The following ASIC2 variants were observed in gnomAD, a reference collection of about 807,000 sequenced individuals.
The protein encoded by ASIC2 is acid-sensing ion channel 2.
ASIC2 carries 25 observed loss-of-function variants against 57.3 expected under a neutral mutation model. That is an observed-to-expected ratio of 0.44 (90% CI 0.32 to 0.61). ASIC2 has a LOEUF of 0.61. Among genes scored for constraint, ASIC2 ranks in the 20% least tolerant of loss-of-function variants. The probability of loss-of-function intolerance (pLI) is 0.06; values close to 1 mark genes in which losing one functional copy is unlikely to be tolerated. For missense variants in ASIC2, 641 were observed against 738.1 expected (o/e 0.87, Z 1.52); for synonymous variants, 319 against 307.5 (o/e 1.04, Z -0.39).
intron 1 of ASIC2, among the ~76,000 whole-genome samples, chr17:33,842,808 C>T (rs141524625): frequency 3.2e-4 from 49 of 152,246 alleles, no homozygotes; most frequent in African/African-American, 1.1e-3. Flanking sequence ...GGATGGCCCA[C>T]GAGAACCCAC....
At position 33,014,305 on chromosome 17, in the gene ASIC2, T is replaced by G. The variant is rs141452765; in HGVS notation, c.1591-239A>C. ...AAGGCTCCCTGGTTTGATTGGCTGCTGGTTTGATCCCTCTTAGAGGTGCCC... is the reference window on the plus strand; with the variant it reads ...AAGGCTCCCTGGTTTGATTGGCTGCGGGTTTGATCCCTCTTAGAGGTGCCC... On this transcript the variant is annotated intron_variant, in intron 9 of 9. Transcript: ENST00000225823. Among the ~76,000 whole-genome samples, 72 of 152,250 alleles carry G rather than the reference T, an allele frequency of 4.7e-4. 1 individual carries two copies. In the South Asian group the frequency reaches 0.012, roughly 25 times the overall value.
chr17:33,219,726 C>T (rs538341214), intron 1 of ASIC2, among the ~76,000 whole-genome samples: 4 of 152,296 alleles, frequency 2.6e-5, no homozygotes, highest in East Asian at 1.9e-4. Flanking sequence ...GGAATTTTGG[C>T]TTGCATAAAA....
At chr17:33,137,784 G>A (rs75168665) in intron 1 of ASIC2, among the ~76,000 whole-genome samples, 3,759 of 152,316 alleles carry the variant, frequency 0.025, 67 homozygotes, top group Non-Finnish European at 0.039. Flanking sequence ...ACAGAGCACT[G>A]AAAGCATCTG....
intron 1 of ASIC2, among the ~76,000 whole-genome samples, chr17:34,026,756 G>A (rs1317221808): frequency 6.6e-6 from 1 of 152,192 alleles, no homozygotes; most frequent in Non-Finnish European, 1.5e-5. Flanking sequence ...TCATTTTGCA[G>A]ATGAGAAAAC....
intron 1 of ASIC2, among the ~76,000 whole-genome samples, chr17:33,977,782 G>T (rs569950425): frequency 6.6e-6 from 1 of 152,306 alleles, no homozygotes; most frequent in East Asian, 1.9e-4. Context: ...CCCAACAGAA[G>T]CCTCATGACA....
chr17:34,134,060 G>C (rs942990015), intron 1 of ASIC2, among the ~76,000 whole-genome samples: 3 of 152,170 alleles, frequency 2.0e-5, no homozygotes, highest in Non-Finnish European at 1.5e-5. Context: ...TAGCTGATGA[G>C]TGCTACAGTC....
rs140509959 is a variant in ASIC2 at position 33,213,746 on chromosome 17, C to T, written c.708+77662G>A. 7.9e-5 allele frequency among the ~76,000 whole-genome samples: 12 copies of T among 152,268 alleles called. No homozygotes were observed. The East Asian group carries it at 2.3e-3, about 29-fold the overall frequency. On this transcript the variant is annotated intron_variant, in intron 1 of 9. Coordinates refer to ENST00000225823, the MANE Select transcript of ASIC2 (RefSeq NM_183377.2). ...CACCCAGGCTGGATGTTCCAGCTGC[C>T]AATCTCACCGATTCTTAGTTTGTGT...
chr17:33,170,387 G>T (rs369948312), intron 1 of ASIC2, among the ~76,000 whole-genome samples: 4 of 152,170 alleles, frequency 2.6e-5, no homozygotes, highest in East Asian at 1.9e-4. Flanking sequence ...TTTTAAAACA[G>T]ATCATTAACT....
intron 1 of ASIC2, among the ~76,000 whole-genome samples, chr17:33,734,066 TA>T (rs1254912786): frequency 2.6e-5 from 4 of 151,934 alleles, no homozygotes; most frequent in African/African-American, 9.7e-5. Flanking sequence ...ACTGAGAAAA[TA>T]GAAGCAATCA....
chr17:33,220,834 G>A (rs1454873169), intron 1 of ASIC2, among the ~76,000 whole-genome samples: 7 of 152,132 alleles, frequency 4.6e-5, no homozygotes, highest in African/African-American at 9.7e-5. Context: ...TTGGGGGGCC[G>A]AGGCGGGAAA....
At chr17:33,110,888 G>C (rs1333825807) in intron 2 of ASIC2, among the ~76,000 whole-genome samples, 1 of 152,094 alleles carries the variant, frequency 6.6e-6, no homozygotes, top group African/African-American at 2.4e-5. Context: ...CCACTCCCCT[G>C]CAGGCTGCTC....
intron 1 of ASIC2, among the ~76,000 whole-genome samples, chr17:33,320,591 G>A (rs897638697): frequency 6.6e-6 from 1 of 152,208 alleles, no homozygotes; most frequent in East Asian, 1.9e-4. Flanking sequence ...TGTTGTTATT[G>A]TTGGTTGCGA....
chr17:33,899,097 C>T (rs1915175028), intron 1 of ASIC2, among the ~76,000 whole-genome samples: 1 of 148,854 alleles, frequency 6.7e-6, no homozygotes, highest in South Asian at 2.1e-4. Context: ...CACTGCACTC[C>T]AGCCTGGGCG....
At chr17:33,538,585 G>C (rs1407598627) in intron 1 of ASIC2, among the ~76,000 whole-genome samples, 1 of 152,232 alleles carries the variant, frequency 6.6e-6, no homozygotes, top group East Asian at 1.9e-4. Context: ...ACTCAGCCCA[G>C]CACTGTCTAT....
At chr17:33,487,218 G>C (rs1258023397) in intron 1 of ASIC2, among the ~76,000 whole-genome samples, 4 of 152,120 alleles carry the variant, frequency 2.6e-5, no homozygotes, top group African/African-American at 9.7e-5. Context: ...TTACCAAATA[G>C]GTTAAATTCA....
At chr17:33,951,643 C>T (rs139702228) in intron 1 of ASIC2, among the ~76,000 whole-genome samples, 15,119 of 151,512 alleles carry the variant, frequency 0.1, 960 homozygotes, top group Middle Eastern at 0.17. Flanking sequence ...AGTACAGTGG[C>T]GCCATCTCGG....
At chr17:33,187,600 A>T (rs531827020) in intron 1 of ASIC2, among the ~76,000 whole-genome samples, 1 of 152,166 alleles carries the variant, frequency 6.6e-6, no homozygotes, top group Non-Finnish European at 1.5e-5. Context: ...TATGGGCCAC[A>T]TGCTTCTGTC....
intron 1 of ASIC2, among the ~76,000 whole-genome samples, chr17:33,116,535 C>T (rs530334238): frequency 3.1e-4 from 47 of 152,240 alleles, no homozygotes; most frequent in Middle Eastern, 3.4e-3. Flanking sequence ...CTGCATTTGC[C>T]GGGTTGCTGA....
chr17:33,120,494 G>A (rs769720078), intron 1 of ASIC2, among the ~76,000 whole-genome samples: 1 of 152,204 alleles, frequency 6.6e-6, no homozygotes, highest in Non-Finnish European at 1.5e-5. Context: ...ATGACACAGA[G>A]GCAGAGGGGA....
Sources: allele counts gnomAD v4.1 joint callset (sites outside exome capture counted in the v4.1 genomes callset), GRCh38; gene constraint gnomAD v4.1.1; transcripts MANE v1.5; gene names NCBI Gene and HGNC (gene_info 2026-07-23, HGNC 2026-07-21).